RAD51B: variants seen among roughly 807,000 people sequenced by gnomAD.
RAD51B encodes the protein RAD51 paralog B, also known as DNA repair protein RAD51 homolog 2.
A neutral mutation model predicts 42.2 loss-of-function variants in RAD51B; 38 were observed. The observed-to-expected ratio is 0.90, with a 90% CI of 0.70 to 1.18. The LOEUF is 1.18. Among genes scored for constraint, RAD51B ranks in the 50% most tolerant of loss-of-function variants. RAD51B has a pLI of 0.00. For missense variants in RAD51B, 373 were observed against 400.7 expected (o/e 0.93, Z 0.59); for synonymous variants, 154 against 145.2 (o/e 1.06, Z -0.43).
chr14:68,132,779 A>G (rs899958788), intron 7 of RAD51B, among the ~76,000 whole-genome samples: 5 of 152,242 alleles, frequency 3.3e-5, no homozygotes, highest in Admixed American at 6.5e-5. Context: ...TCTCTCATGC[A>G]CATTATGTGA....
intron 10 of RAD51B, among the ~76,000 whole-genome samples, chr14:68,631,128 A>G (rs1892217619): frequency 6.6e-6 from 1 of 152,200 alleles, no homozygotes; most frequent in African/African-American, 2.4e-5. Flanking sequence ...TATGTGTCCA[A>G]TTGTTAAAAA....
At chr14:67,887,226 T>A in intron 7 of RAD51B, 22 bp downstream of exon 7, 1 of 1,559,446 alleles carries the variant, frequency 6.4e-7, no homozygotes, top group Non-Finnish European at 8.8e-7. Flanking sequence ...TTTTTTTCTC[T>A]TTTTTCTTTT....
chr14:68,419,342 C>A (rs2084640505), intron 9 of RAD51B, among the ~76,000 whole-genome samples: 1 of 151,936 alleles, frequency 6.6e-6, no homozygotes, highest in Non-Finnish European at 1.5e-5. Context: ...TCCCCAAACC[C>A]AATCAAATTA....
At chr14:68,368,537 A>ATTTT (rs2083188467) in intron 8 of RAD51B, among the ~76,000 whole-genome samples, 1 of 152,204 alleles carries the variant, frequency 6.6e-6, no homozygotes, top group Non-Finnish European at 1.5e-5. Context: ...GAGAGGGCAA[A>ATTTT]TTGATTTCAT....
rs1484091620 is a variant in RAD51B at position 67,835,176 on chromosome 14, G to A, written c.295G>A (p.Ala99Thr). ...ALDEALHGGV[A>T]CGSLTEITGP... ...GGACGAAGCCCTGCATGGTGGTGTG[G>A]CTTGTGGATCCCTCACAGAGGTAAA... Residue 99 changes from alanine to threonine, a missense_variant, in exon 4 of 11, where the codon GCT becomes ACT. Physicochemically the swap from Ala to Thr is moderately conservative, Grantham distance 58 (BLOSUM62 0). Transcript: ENST00000471583. The A allele has an allele frequency of 1.2e-6, 2 of 1,613,572 alleles. No homozygotes were observed. The highest frequency in any genetic ancestry group is 2.2e-5 in the East Asian group (1 of 44,876).
At chr14:68,369,826 A>C (rs2083216513) in intron 8 of RAD51B, among the ~76,000 whole-genome samples, 1 of 152,192 alleles carries the variant, frequency 6.6e-6, no homozygotes, top group Non-Finnish European at 1.5e-5. Flanking sequence ...AAAGTGCTAC[A>C]TACTATATAT....
chr14:68,364,688 C>A (rs1257071960), intron 8 of RAD51B, among the ~76,000 whole-genome samples: 1 of 152,122 alleles, frequency 6.6e-6, no homozygotes, highest in Non-Finnish European at 1.5e-5. Flanking sequence ...CTTAAATAAG[C>A]CCCTTCAAGG....
chr14:68,586,576 C>G (rs558198930), intron 10 of RAD51B, among the ~76,000 whole-genome samples: 1 of 152,162 alleles, frequency 6.6e-6, no homozygotes, highest in East Asian at 1.9e-4. Context: ...GTGAGTGGGC[C>G]CAAAGAGTAG....
At chr14:68,478,177 G>A (rs995167041), downstream of RAD51B, 1 of 1,017,194 alleles carries the variant, frequency 9.8e-7, no homozygotes, top group Non-Finnish European at 1.2e-6. Context: ...TGGGAGGCTG[G>A]GGGCGGGCAT....
chr14:68,298,026 G>A (rs1188786444), intron 8 of RAD51B, among the ~76,000 whole-genome samples: 1 of 152,180 alleles, frequency 6.6e-6, no homozygotes, highest in African/African-American at 2.4e-5. Context: ...GGCACACGCC[G>A]GCCAGTGCTC....
intron 7 of RAD51B, among the ~76,000 whole-genome samples, chr14:68,184,315 A>G (rs1266650615): frequency 6.6e-6 from 1 of 152,050 alleles, no homozygotes; most frequent in Non-Finnish European, 1.5e-5. Flanking sequence ...AGCTCACTAC[A>G]ACCTCTGCCT....
chr14:68,675,151 G>A (rs1893277511), intron 11 of RAD51B, among the ~76,000 whole-genome samples: 1 of 152,282 alleles, frequency 6.6e-6, no homozygotes, highest in Admixed American at 6.5e-5. Context: ...AAAGGTAGCA[G>A]GTAGACAAGC....
intron 11 of RAD51B, among the ~76,000 whole-genome samples, chr14:68,665,232 G>A (rs1030198292): frequency 6.6e-6 from 1 of 152,280 alleles, no homozygotes; most frequent in African/African-American, 2.4e-5. Context: ...GCAATGCCAT[G>A]GGAAGGTGAC....
chr14:68,647,945 G>A (rs1025240964), intron 10 of RAD51B, among the ~76,000 whole-genome samples: 4 of 150,422 alleles, frequency 2.7e-5, no homozygotes, highest in Non-Finnish European at 4.4e-5. Flanking sequence ...CCCAAGTGCT[G>A]GGATTACAGG....
At chr14:68,612,337 T>A (rs549433906), downstream of RAD51B, among the ~76,000 whole-genome samples, 2 of 152,216 alleles carry the variant, frequency 1.3e-5, no homozygotes, top group Non-Finnish European at 2.9e-5. Context: ...GCAGAAAGAA[T>A]TTCCAGCTGT....
chr14:68,229,560 G>C lies in RAD51B; in HGVS notation c.757-62324G>C, dbSNP rs778050472. Among the ~76,000 whole-genome samples, 45 of 152,182 alleles carry C rather than the reference G, an allele frequency of 3.0e-4. 1 individual carries two copies. The highest frequency in any genetic ancestry group is 2.8e-4 in the Non-Finnish European group (19 of 68,030). ...TAGAATGAGAAAGAAATGACTCTTTGGAGTAGATATCTGCAATAAAATCTG... is the reference window on the plus strand; with the variant it reads ...TAGAATGAGAAAGAAATGACTCTTTCGAGTAGATATCTGCAATAAAATCTG... On this transcript the variant is annotated intron_variant, in intron 7 of 10. Transcript: ENST00000471583.
At chr14:68,491,965 G>A (rs1053956374) in intron 10 of RAD51B, among the ~76,000 whole-genome samples, 2 of 152,198 alleles carry the variant, frequency 1.3e-5, no homozygotes, top group African/African-American at 4.8e-5. Context: ...GATTCCAGCG[G>A]CACCTGCTTC....
chr14:67,861,226 T>G (rs2042152559), intron 4 of RAD51B, among the ~76,000 whole-genome samples: 1 of 151,838 alleles, frequency 6.6e-6, no homozygotes, highest in African/African-American at 2.4e-5. Flanking sequence ...ATCCTAACTG[T>G]TGTATAGAAT....
At chr14:68,300,830 G>A (rs902386648) in intron 8 of RAD51B, among the ~76,000 whole-genome samples, 3 of 152,194 alleles carry the variant, frequency 2.0e-5, no homozygotes, top group Non-Finnish European at 2.9e-5. Flanking sequence ...ATTAGCTAGC[G>A]CAGGCTGTCC....
Sources: gnomAD v4.1 joint callset for allele counts (sites outside exome capture counted in the v4.1 genomes callset) on GRCh38, gnomAD v4.1.1 for gene constraint, MANE v1.5 for transcripts, NCBI Gene and HGNC (gene_info 2026-07-23, HGNC 2026-07-21) for gene names.